ADAMTSL1: variants seen among roughly 807,000 people sequenced by gnomAD.
ADAMTSL1 encodes the protein ADAMTS like 1.
In ADAMTSL1, 126 loss-of-function variants were observed where a neutral mutation model predicts 201.8. The ratio of observed to expected loss-of-function variants is 0.62; its 90% CI spans 0.54 to 0.72. ADAMTSL1 has a LOEUF of 0.72. Ranked by LOEUF, ADAMTSL1 falls within the 30% of genes least tolerant of loss-of-function variation. The pLI is 0.00. For missense variants in ADAMTSL1, 2,679 were observed against 2,277.8 expected (o/e 1.18, Z -3.59); for synonymous variants, 1,121 against 903.4 (o/e 1.24, Z -4.32).
intron 14 of ADAMTSL1, among the ~76,000 whole-genome samples, chr9:18,712,912 C>T (rs10811016): frequency 0.79 from 114,149 of 144,782 alleles, 45,670 homozygotes; most frequent in Admixed American, 0.87. Flanking sequence ...CGGCAGAAAC[C>T]CTACAAGCCA....
At chr9:18,194,185 C>T (rs1482298978) in intron 2 of ADAMTSL1, among the ~76,000 whole-genome samples, 1 of 152,028 alleles carries the variant, frequency 6.6e-6, no homozygotes, top group East Asian at 1.9e-4. Flanking sequence ...AAGTGATGAC[C>T]TTAGTCTCCT....
At chr9:18,074,561 C>CTTTTTTTTTTTTTTTTTTT (rs138619215) in intron 1 of ADAMTSL1, among the ~76,000 whole-genome samples, 1 of 131,328 alleles carries the variant, frequency 7.6e-6, no homozygotes, top group Non-Finnish European at 1.6e-5. Context: ...CTTCTCTTTT[C>CTTTTTTTTTTTTTTTTTTT]TTTTTTTTTT....
chr9:18,817,063 CCA>C (rs1456040111), intron 20 of ADAMTSL1, 44 bp from the exon 21 acceptor site: 1 of 1,597,074 alleles, frequency 6.3e-7, no homozygotes, highest in Non-Finnish European at 8.5e-7. Context: ...GCCCCAATTT[CCA>C]CAGTCACCAC....
chr9:18,532,840 G>A (rs1480086960), intron 2 of ADAMTSL1, among the ~76,000 whole-genome samples: 1 of 151,544 alleles, frequency 6.6e-6, no homozygotes, highest in Admixed American at 6.6e-5. Flanking sequence ...AAGACATGTT[G>A]AATATTAATT....
At chr9:18,334,253 C>A (rs925274607) in intron 2 of ADAMTSL1, among the ~76,000 whole-genome samples, 2 of 152,050 alleles carry the variant, frequency 1.3e-5, no homozygotes, top group African/African-American at 4.8e-5. Context: ...AAGCACAATA[C>A]AAATTGGAAT....
At chr9:18,770,986 A>G (rs996746550) in intron 17 of ADAMTSL1, among the ~76,000 whole-genome samples, 1 of 152,170 alleles carries the variant, frequency 6.6e-6, no homozygotes, top group African/African-American at 2.4e-5. Context: ...GCCCTTACCC[A>G]ACAATCGGAA....
At chr9:18,154,711 G>A (rs989491472) in intron 1 of ADAMTSL1, among the ~76,000 whole-genome samples, 1 of 152,094 alleles carries the variant, frequency 6.6e-6, no homozygotes, top group Non-Finnish European at 1.5e-5. Flanking sequence ...TAGGACTTGA[G>A]AGACAAAAAC....
intron 23 of ADAMTSL1, among the ~76,000 whole-genome samples, chr9:18,850,353 C>G (rs1826412759): frequency 6.6e-6 from 1 of 152,228 alleles, no homozygotes. Flanking sequence ...TAAATCCTTC[C>G]TCAGCCCTGA....
intron 10 of ADAMTSL1, among the ~76,000 whole-genome samples, chr9:18,679,767 G>A (rs1733328661): frequency 6.6e-6 from 1 of 152,108 alleles, no homozygotes; most frequent in African/African-American, 2.4e-5. Context: ...TAGTCCCAAA[G>A]CTGATGATTG....
intron 23 of ADAMTSL1, among the ~76,000 whole-genome samples, chr9:18,875,887 T>G (rs1828114821): frequency 1.3e-5 from 2 of 152,220 alleles, no homozygotes; most frequent in Non-Finnish European, 2.9e-5. Flanking sequence ...ATCTCATTAC[T>G]TAAGTCTGGT....
At chr9:18,573,880 A>T (rs1822510622) in intron 3 of ADAMTSL1, 150 bp from the exon 4 acceptor site, 1 of 593,408 alleles carries the variant, frequency 1.7e-6, no homozygotes, top group East Asian at 2.5e-5. Context: ...TAATCATATA[A>T]CCTCTAAGAT....
intron 19 of ADAMTSL1, among the ~76,000 whole-genome samples, chr9:18,790,507 CA>C (rs111957591): frequency 5.3e-5 from 8 of 152,254 alleles, no homozygotes; most frequent in African/African-American, 1.9e-4. Context: ...GCCTTTGTTT[CA>C]AATAAGAGCC....
chr9:18,796,856 A>G (rs1402125936), intron 20 of ADAMTSL1: 4 of 152,192 alleles, frequency 2.6e-5, no homozygotes, highest in African/African-American at 9.6e-5. Flanking sequence ...CCACCCTCCA[A>G]CCTGCTTTAG....
At chr9:18,247,035 G>GT (rs1831279302) in intron 2 of ADAMTSL1, among the ~76,000 whole-genome samples, 1 of 151,986 alleles carries the variant, frequency 6.6e-6, no homozygotes, top group Non-Finnish European at 1.5e-5. Flanking sequence ...TTATGCATGT[G>GT]TTTTTTTGGG....
chr9:18,887,375 G>C (rs1423905390), intron 23 of ADAMTSL1, among the ~76,000 whole-genome samples: 1 of 152,082 alleles, frequency 6.6e-6, no homozygotes, highest in Non-Finnish European at 1.5e-5. Flanking sequence ...CTCATAACAA[G>C]TAAAATGAGG....
At chr9:18,316,721 T>G (rs1332820034) in intron 2 of ADAMTSL1, among the ~76,000 whole-genome samples, 2 of 152,148 alleles carry the variant, frequency 1.3e-5, no homozygotes, top group Non-Finnish European at 2.9e-5. Flanking sequence ...TGAGGCGACA[T>G]ACATCCTGCT....
At chr9:18,905,059 G>GT (rs1264108575) in intron 26 of ADAMTSL1, among the ~76,000 whole-genome samples, 1 of 152,196 alleles carries the variant, frequency 6.6e-6, no homozygotes, top group Non-Finnish European at 1.5e-5. Flanking sequence ...AGACCCCCAA[G>GT]TTAAGAGCCT....
chr9:18,137,199 G>A (rs1432751480), intron 1 of ADAMTSL1, among the ~76,000 whole-genome samples: 2 of 152,162 alleles, frequency 1.3e-5, no homozygotes, highest in African/African-American at 4.8e-5. Context: ...GAGATTCTCA[G>A]TCTAGTCTTA....
At chr9:18,501,454 T>C (rs1587389305) in intron 1 of ADAMTSL1, among the ~76,000 whole-genome samples, 1 of 139,260 alleles carries the variant, frequency 7.2e-6, no homozygotes, top group East Asian at 2.1e-4. Context: ...AAGGCTGCAA[T>C]GATCGTGTCA....
Sources: gnomAD v4.1 joint callset for allele counts (sites outside exome capture counted in the v4.1 genomes callset) on GRCh38, gnomAD v4.1.1 for gene constraint, MANE v1.5 for transcripts, NCBI Gene and HGNC (gene_info 2026-07-23, HGNC 2026-07-21) for gene names.